RIT2: variants seen among roughly 807,000 people sequenced by gnomAD.
RIT2 encodes the protein GTP-binding protein Rit2.
Under a neutral mutation model 23.7 loss-of-function variants are expected in RIT2, and 24 were observed. The ratio of observed to expected loss-of-function variants is 1.01; its 90% confidence interval spans 0.73 to 1.43. The LOEUF is 1.43. RIT2 is among the 40% of genes most tolerant of loss of function. The pLI, the probability that RIT2 is intolerant of heterozygous loss-of-function variation, is 0.00. For missense variants in RIT2, 236 were observed against 266.9 expected, an observed-to-expected ratio of 0.88 and a Z score of 0.81; for synonymous variants, 107 against 91.1, an observed-to-expected ratio of 1.17 and a Z score of -0.99.
At chr18:42,833,248 G>T (rs1258315498) in intron 4 of RIT2, among the ~76,000 whole-genome samples, 1 of 151,988 alleles carries the variant, frequency 6.6e-6, no homozygotes, top group African/African-American at 2.4e-5. Flanking sequence ...TGTGATATTT[G>T]TCTATTTCTG....
intron 4 of RIT2, among the ~76,000 whole-genome samples, chr18:42,915,444 G>A (rs1908882581): frequency 6.6e-6 from 1 of 152,018 alleles, no homozygotes; most frequent in South Asian, 2.1e-4. Flanking sequence ...TCCATTTCAA[G>A]GAACCGATCC....
At chr18:43,101,669 A>G (rs1343097202) in intron 1 of RIT2, among the ~76,000 whole-genome samples, 1 of 152,204 alleles carries the variant, frequency 6.6e-6, no homozygotes, top group African/African-American at 2.4e-5. Flanking sequence ...TCAGAATTAC[A>G]TTCAGAAAAT....
At chr18:42,790,932 C>T (rs7227297) in intron 4 of RIT2, among the ~76,000 whole-genome samples, 5 of 151,880 alleles carry the variant, frequency 3.3e-5, no homozygotes, top group Admixed American at 2.0e-4. Context: ...ACAGAGACAA[C>T]GCCATCAACA....
At chr18:42,875,674 C>A (rs1034568935) in intron 4 of RIT2, among the ~76,000 whole-genome samples, 2 of 152,000 alleles carry the variant, frequency 1.3e-5, no homozygotes, top group Non-Finnish European at 2.9e-5. Flanking sequence ...ATTACCAGTA[C>A]AGATAGCTTC....
intron 4 of RIT2, among the ~76,000 whole-genome samples, chr18:42,797,411 T>C (rs963037169): frequency 6.6e-6 from 1 of 152,066 alleles, no homozygotes; most frequent in African/African-American, 2.4e-5. Context: ...ATTTTATCTC[T>C]TTCTATCTTA....
At chr18:43,110,325 T>A (rs957627022) in intron 1 of RIT2, among the ~76,000 whole-genome samples, 19 of 151,944 alleles carry the variant, frequency 1.3e-4, no homozygotes, top group African/African-American at 4.3e-4. Flanking sequence ...AAATCCCAAA[T>A]GCAGATATTT....
rs141855053 is a variant in RIT2, at chr18:42,863,309, C to T, written c.426+60263G>A. On this transcript the variant is annotated intron_variant, in intron 4 of 4. Transcript: ENST00000326695. ...TCAAGGGTATGTAGGTGTGTATATG[C>T]ATTTATCTTAGACTTCTCATCATTC... Among the ~76,000 whole-genome samples the T allele has an allele frequency of 3.2e-3, 480 of 152,216 alleles. 2 individuals carry two copies. Among genetic ancestry groups the T allele is most frequent in the African/African-American group, 0.011 (452 of 41,544 alleles).
At chr18:42,995,169 C>G (rs540556946) in intron 2 of RIT2, among the ~76,000 whole-genome samples, 2 of 152,256 alleles carry the variant, frequency 1.3e-5, no homozygotes, top group East Asian at 3.9e-4. Flanking sequence ...ACTGGCCCAC[C>G]TCTTAAAACC....
intron 1 of RIT2, among the ~76,000 whole-genome samples, chr18:43,099,118 A>G (rs1429439899): frequency 1.3e-5 from 2 of 152,078 alleles, no homozygotes; most frequent in African/African-American, 4.8e-5. Flanking sequence ...TAACAAGATC[A>G]GCTTTGATGC....
At chr18:42,766,605 G>A (rs1171042333) in intron 4 of RIT2, among the ~76,000 whole-genome samples, 4 of 152,320 alleles carry the variant, frequency 2.6e-5, no homozygotes, top group African/African-American at 4.8e-5. Flanking sequence ...ATTTTCTGGG[G>A]AGAAATTCAA....
intron 1 of RIT2, among the ~76,000 whole-genome samples, chr18:43,102,360 T>C (rs901456144): frequency 6.6e-6 from 1 of 152,104 alleles, no homozygotes; most frequent in Non-Finnish European, 1.5e-5. Context: ...TAAACAATGT[T>C]CTGAAGTCTT....
In RIT2 at chr18:43,111,854, TA is replaced by T. The variant is rs542024384; in HGVS notation, c.103+3562del. The stretch of plus-strand genomic sequence containing the variant: ...TGGATCTGACTCTGCCACTGCTGTA[TA>T]AATGACCTTTGCAGGTCTCTTCACC... On this transcript the variant is annotated intron_variant, in intron 1 of 4. Coordinates refer to ENST00000326695, the MANE Select transcript of RIT2 (RefSeq NM_002930.4). Among the ~76,000 whole-genome samples, 678 of 152,296 alleles carry T rather than the reference TA, an allele frequency of 4.5e-3. 3 individuals carry two copies. The highest frequency in any genetic ancestry group is 0.015 in the African/African-American group (643 of 41,576).
intron 4 of RIT2, among the ~76,000 whole-genome samples, chr18:42,897,448 T>C (rs1380651268): frequency 6.6e-6 from 1 of 152,172 alleles, no homozygotes; most frequent in Non-Finnish European, 1.5e-5. Context: ...CTGACAAATG[T>C]AAGGACAGAA....
chr18:42,835,076 G>A (rs1364752185), intron 4 of RIT2, among the ~76,000 whole-genome samples: 2 of 152,088 alleles, frequency 1.3e-5, no homozygotes, highest in Non-Finnish European at 2.9e-5. Flanking sequence ...GAAGCTTCCA[G>A]TTACAATGTT....
At chr18:42,782,661 A>G (rs563863350) in intron 4 of RIT2, among the ~76,000 whole-genome samples, 3 of 152,254 alleles carry the variant, frequency 2.0e-5, no homozygotes, top group East Asian at 3.9e-4. Context: ...AAAATATTGT[A>G]AGAATTCTGC....
intron 4 of RIT2, among the ~76,000 whole-genome samples, chr18:42,841,521 C>T (rs1210890817): frequency 1.3e-5 from 2 of 152,044 alleles, no homozygotes; most frequent in African/African-American, 4.8e-5. Flanking sequence ...AAATATATCA[C>T]CCATAATTTT....
intron 3 of RIT2, among the ~76,000 whole-genome samples, chr18:42,968,160 T>C (rs1910281790): frequency 6.6e-6 from 1 of 152,198 alleles, no homozygotes; most frequent in Non-Finnish European, 1.5e-5. Flanking sequence ...TTCAGAATAG[T>C]GACTGGCTTT....
chr18:43,019,178 C>G (rs186277748), intron 2 of RIT2, among the ~76,000 whole-genome samples: 2 of 151,434 alleles, frequency 1.3e-5, no homozygotes, highest in East Asian at 2.0e-4. Context: ...CACATACAGA[C>G]CGAAAATAAA....
At chr18:43,060,399 G>A (rs1313719182) in intron 1 of RIT2, among the ~76,000 whole-genome samples, 1 of 152,094 alleles carries the variant, frequency 6.6e-6, no homozygotes. Flanking sequence ...TTGATTCCAA[G>A]TTCCACAATA....
Sources: allele counts gnomAD v4.1 joint callset (sites outside exome capture counted in the v4.1 genomes callset), GRCh38; gene constraint gnomAD v4.1.1; transcripts MANE v1.5; gene names NCBI Gene and HGNC (gene_info 2026-07-23, HGNC 2026-07-21).